Variants in PAPPA2 observed in about 807,000 individuals in gnomAD.
PAPPA2 encodes pappalysin-2.
Under a neutral mutation model 176.4 loss-of-function variants are expected in PAPPA2, and 86 were observed. That is an observed-to-expected ratio of 0.49 (90% confidence interval 0.41 to 0.58). The LOEUF is 0.58. Among genes scored for constraint, PAPPA2 ranks in the 20% least tolerant of loss-of-function variants. PAPPA2 has a pLI of 0.00. For synonymous variants in PAPPA2, 809 were observed against 852.2 expected (o/e 0.95, Z 0.88); for missense variants, 2,073 against 2,256.9 (o/e 0.92, Z 1.65).
intron 12 of PAPPA2, among the ~76,000 whole-genome samples, chr1:176,723,570 T>C (rs574345107): frequency 6.6e-6 from 1 of 152,202 alleles, no homozygotes; most frequent in African/African-American, 2.4e-5. Context: ...GATACACAAA[T>C]ATGATTAGTA....
chr1:176,646,570 C>T (rs536766480), intron 3 of PAPPA2, among the ~76,000 whole-genome samples: 7 of 149,442 alleles, frequency 4.7e-5, no homozygotes, highest in African/African-American at 1.7e-4. Flanking sequence ...CACTATCATT[C>T]CCTGCCTCTG....
chr1:176,703,753 C>T (rs998008171), intron 9 of PAPPA2, among the ~76,000 whole-genome samples: 4 of 152,182 alleles, frequency 2.6e-5, no homozygotes, highest in African/African-American at 9.7e-5. Context: ...AGTATAAACA[C>T]TAAAATGTTC....
At chr1:176,754,116 G>A (rs59186716) in intron 14 of PAPPA2, among the ~76,000 whole-genome samples, 3 of 151,126 alleles carry the variant, frequency 2.0e-5, no homozygotes, top group Non-Finnish European at 2.9e-5. Flanking sequence ...GTATGGCTAA[G>A]ACAATTCCAG....
At chr1:176,688,713 T>G (rs1261046579) in intron 4 of PAPPA2, among the ~76,000 whole-genome samples, 1 of 151,952 alleles carries the variant, frequency 6.6e-6, no homozygotes, top group Non-Finnish European at 1.5e-5. Context: ...TATGTTCGAG[T>G]AAACTGGGAG....
intron 14 of PAPPA2, among the ~76,000 whole-genome samples, chr1:176,744,258 A>T (rs1662808427): frequency 6.6e-6 from 1 of 152,166 alleles, no homozygotes; most frequent in South Asian, 2.1e-4. Context: ...TAAAATGTCT[A>T]TCCCTGCCTT....
At chr1:176,712,255 A>G (rs1430890929) in intron 12 of PAPPA2, among the ~76,000 whole-genome samples, 1 of 152,182 alleles carries the variant, frequency 6.6e-6, no homozygotes. Flanking sequence ...AATTTTTGCA[A>G]AGTGAACATC....
At chr1:176,617,218 A>G (rs1655312477) in intron 3 of PAPPA2, among the ~76,000 whole-genome samples, 1 of 152,174 alleles carries the variant, frequency 6.6e-6, no homozygotes, top group African/African-American at 2.4e-5. Context: ...TGTGACCAAG[A>G]ACACCACAGA....
In PAPPA2 at chr1:176,639,633, A is replaced by G. The variant is rs552135479; in HGVS notation, c.1992-31337A>G. On this transcript the variant is annotated intron_variant, in intron 3 of 22. Coordinates refer to ENST00000367662, the MANE Select transcript of PAPPA2 (RefSeq NM_020318.3). ...TTCTGAGTCTAGACCAGTTTGTAAA[A>G]GTATGTTTTATTGTTTTTTAAATAG... Among the ~76,000 whole-genome samples, 6 of 152,150 alleles carry G rather than the reference A, an allele frequency of 3.9e-5. No individual in the cohort carries two copies. The South Asian group carries it at 1.0e-3, about 26-fold the overall frequency.
intron 1 of PAPPA2, among the ~76,000 whole-genome samples, chr1:176,505,606 A>G (rs1008166506): frequency 6.6e-6 from 1 of 152,060 alleles, no homozygotes; most frequent in Admixed American, 6.6e-5. Context: ...AATTAGAAAA[A>G]ATTAGATTGG....
chr1:176,465,063 A>C (rs1343203064), intron 1 of PAPPA2, among the ~76,000 whole-genome samples: 1 of 152,220 alleles, frequency 6.6e-6, no homozygotes, highest in Non-Finnish European at 1.5e-5. Context: ...TTCCCAAGAC[A>C]TAAAATAATT....
intron 1 of PAPPA2, among the ~76,000 whole-genome samples, chr1:176,530,955 G>A (rs1558419914): frequency 6.6e-6 from 1 of 152,074 alleles, no homozygotes; most frequent in Admixed American, 6.5e-5. Context: ...GCTTCCAACT[G>A]GGAGAATCAA....
intron 12 of PAPPA2, among the ~76,000 whole-genome samples, chr1:176,717,469 G>C (rs144464099): frequency 6.6e-6 from 1 of 152,206 alleles, no homozygotes; most frequent in Non-Finnish European, 1.5e-5. Context: ...TTAAAAGTGG[G>C]TATAAATATG....
intron 21 of PAPPA2, among the ~76,000 whole-genome samples, chr1:176,818,805 C>T (rs1180066392): frequency 6.6e-6 from 1 of 152,186 alleles, no homozygotes; most frequent in Non-Finnish European, 1.5e-5. Context: ...AGAATAAAAG[C>T]CACAATCTTT....
intron 17 of PAPPA2, among the ~76,000 whole-genome samples, chr1:176,781,014 G>A (rs1664688084): frequency 6.6e-6 from 1 of 152,134 alleles, no homozygotes; most frequent in African/African-American, 2.4e-5. Context: ...GGCATATTTG[G>A]CAGAAAAATC....
At chr1:176,584,401 G>GT (rs71565476) in intron 2 of PAPPA2, among the ~76,000 whole-genome samples, 227 of 143,448 alleles carry the variant, frequency 1.6e-3, no homozygotes, top group Admixed American at 9.0e-3. Flanking sequence ...ATGCATTTTT[G>GT]TTTTTTTTTT....
intron 2 of PAPPA2, among the ~76,000 whole-genome samples, chr1:176,593,538 T>A (rs1653780443): frequency 6.6e-6 from 1 of 152,200 alleles, no homozygotes; most frequent in African/African-American, 2.4e-5. Flanking sequence ...AGATGGTGGG[T>A]AAACTGAAGA....
At chr1:176,639,701 CT>C (rs1656952472) in intron 3 of PAPPA2, among the ~76,000 whole-genome samples, 1 of 149,764 alleles carries the variant, frequency 6.7e-6, no homozygotes, top group South Asian at 2.1e-4. Context: ...GGCCCATTTT[CT>C]TTTTTTCTTT....
intron 4 of PAPPA2, among the ~76,000 whole-genome samples, chr1:176,675,734 G>T (rs1659254396): frequency 6.6e-6 from 1 of 151,954 alleles, no homozygotes; most frequent in African/African-American, 2.4e-5. Flanking sequence ...TAATGGCCGA[G>T]AATCTTGCAA....
Position 176,516,693 on chromosome 1 carries a change from G to A in PAPPA2, c.-916-38714G>A, listed in dbSNP as rs115951753. ...CAAGGCACCATCTTGGAAGCAAAGA[G>A]CAAGCCCTTACCATACACCAAAACT... is the stretch of plus-strand genomic sequence containing the variant. On this transcript the variant is annotated intron_variant, in intron 1 of 22. Coordinates refer to ENST00000367662, the MANE Select transcript of PAPPA2 (RefSeq NM_020318.3). Among the ~76,000 whole-genome samples the A allele has an allele frequency of 3.4e-3, 521 of 152,272 alleles. 1 individual carries two copies. Among genetic ancestry groups the A allele is most frequent in the African/African-American group, 0.012 (483 of 41,544 alleles).
Sources: gnomAD v4.1 joint callset for allele counts (sites outside exome capture counted in the v4.1 genomes callset) on GRCh38, gnomAD v4.1.1 for gene constraint, MANE v1.5 for transcripts, NCBI Gene and HGNC (gene_info 2026-07-23, HGNC 2026-07-21) for gene names.